KLRD1: variants seen among roughly 807,000 people sequenced by gnomAD.
The protein encoded by KLRD1 is natural killer cells antigen CD94.
KLRD1 carries 21 observed loss-of-function variants against 22.6 expected under a neutral mutation model. That is an observed-to-expected ratio of 0.93 (90% CI 0.66 to 1.34). The LOEUF (loss-of-function observed/expected upper bound fraction) is 1.34. KLRD1 is among the 40% of genes most tolerant of loss of function. The pLI is 0.00. For synonymous variants in KLRD1, 59 were observed against 71.1 expected (o/e 0.83, Z 0.85); for missense variants, 183 against 208.6 (o/e 0.88, Z 0.76).
At position 10,318,247 on chromosome 12, in the gene KLRD1, T is replaced by C. The variant is rs1211191749; in HGVS notation, c.*3454T>C. ...TGATATGGGTAGTAGGCTAACTAAC[T>C]AGCTAACAAATGGTTTATGGTGAGT... On this transcript the variant is annotated 3_prime_UTR_variant, in exon 6 of 6. Transcript: ENST00000336164. 6.6e-6 allele frequency: 1 copy of C among 152,208 alleles called. No individual in the cohort carries two copies. The highest frequency in any genetic ancestry group is 1.5e-5 in the Non-Finnish European group (1 of 68,038). 9.4% of individuals were successfully genotyped at this position (152,208 alleles called of 1,614,324 possible).
intron 1 of KLRD1, among the ~76,000 whole-genome samples, chr12:10,294,903 T>G (rs1949808675): frequency 6.6e-6 from 1 of 152,196 alleles, no homozygotes; most frequent in African/African-American, 2.4e-5. Flanking sequence ...TAAGATAAAT[T>G]ATCAAACCAG....
At chr12:10,245,413 T>C (rs1233386637) in intron 1 of KLRD1, among the ~76,000 whole-genome samples, 1 of 152,150 alleles carries the variant, frequency 6.6e-6, no homozygotes, top group Non-Finnish European at 1.5e-5. Flanking sequence ...CAATTCCGCC[T>C]AGCTAGCAAT....
chr12:10,285,134 T>C (rs543170843), intron 1 of KLRD1, among the ~76,000 whole-genome samples: 1 of 152,348 alleles, frequency 6.6e-6, no homozygotes, highest in East Asian at 1.9e-4. Context: ...CTACTGATGT[T>C]GCCAGTGTAC....
At position 10,328,295 on chromosome 12, in the gene KLRD1, T is replaced by A. The variant is rs1022781587; in HGVS notation, c.*13502T>A. On this transcript the variant is annotated 3_prime_UTR_variant, in exon 6 of 6. Coordinates refer to ENST00000336164, the MANE Select transcript of KLRD1 (RefSeq NM_002262.5). ...AAGAGCCATCTTGTCCTGGGAATTT[T>A]TTTGTTGTAAGTTTCTTGATTACTG... is the stretch of plus-strand genomic sequence containing the variant. 6.6e-6 allele frequency: 1 copy of A among 152,176 alleles called. No individual in the cohort carries two copies. Among genetic ancestry groups the A allele is most frequent in the Non-Finnish European group, 1.5e-5 (1 of 68,008 alleles). The allele number at this position is 152,176 out of a possible 1,614,324, so 9.4% of individuals were successfully genotyped here.
intron 1 of KLRD1, among the ~76,000 whole-genome samples, chr12:10,264,682 C>CTGTGTGTG (rs1288838996): frequency 0.54 from 80,688 of 149,636 alleles, 24,213 homozygotes; most frequent in Admixed American, 0.71. Context: ...TAGTTACCTT[C>CTGTGTGTG]TGTGTGTGTG....
Position 10,327,967 on chromosome 12 carries a change from T to G in KLRD1, c.*13174T>G, listed in dbSNP as rs1950375977. 6.6e-6 allele frequency: 1 copy of G among 152,206 alleles called. No individual in the cohort carries two copies. Among genetic ancestry groups the G allele is most frequent in the Admixed American group, 6.5e-5 (1 of 15,274 alleles). 9.4% of individuals were successfully genotyped at this position (152,206 alleles called of 1,614,324 possible). Reference sequence around the variant, plus strand: ...CTATTAATGTGGTATATTACATTAATTGATTTTGTATGTTAGGCTATCCTT... The same window carrying G: ...CTATTAATGTGGTATATTACATTAAGTGATTTTGTATGTTAGGCTATCCTT... On this transcript the variant is annotated 3_prime_UTR_variant, in exon 6 of 6. Coordinates refer to ENST00000336164, the MANE Select transcript of KLRD1 (RefSeq NM_002262.5).
At chr12:10,310,166 C>T (rs1326971097) in intron 3 of KLRD1, among the ~76,000 whole-genome samples, 2 of 152,222 alleles carry the variant, frequency 1.3e-5, no homozygotes, top group Non-Finnish European at 1.5e-5. Flanking sequence ...GGCTGGAGTG[C>T]AGTGGCACGA....
At chr12:10,246,687 A>G (rs1387930864) in intron 1 of KLRD1, among the ~76,000 whole-genome samples, 1 of 152,160 alleles carries the variant, frequency 6.6e-6, no homozygotes, top group African/African-American at 2.4e-5. Context: ...TGGAATATTG[A>G]AGAACATGTC....
chr12:10,269,353 G>T (rs1949528766), intron 1 of KLRD1, among the ~76,000 whole-genome samples: 1 of 151,952 alleles, frequency 6.6e-6, no homozygotes, highest in South Asian at 2.1e-4. Context: ...GTTTCACCAT[G>T]TTGGCCAGAC....
intron 1 of KLRD1, among the ~76,000 whole-genome samples, chr12:10,240,181 C>T (rs1274576576): frequency 6.6e-6 from 1 of 151,994 alleles, no homozygotes; most frequent in Non-Finnish European, 1.5e-5. Context: ...TTACCTCAGC[C>T]CCCCAAGTCG....
chr12:10,309,947 T>C (rs143969931), intron 3 of KLRD1, among the ~76,000 whole-genome samples: 1 of 152,234 alleles, frequency 6.6e-6, no homozygotes, highest in Non-Finnish European at 1.5e-5. Flanking sequence ...TGAGTGCTCA[T>C]AATTAAGTAA....
intron 1 of KLRD1, among the ~76,000 whole-genome samples, chr12:10,289,298 G>A (rs915635546): frequency 1.3e-5 from 2 of 152,154 alleles, no homozygotes; most frequent in African/African-American, 4.8e-5. Flanking sequence ...GCTCTTTCAT[G>A]AGGTTCTTAC....
At position 10,321,061 on chromosome 12, in the gene KLRD1, A is replaced by G. The variant is rs1478972648; in HGVS notation, c.*6268A>G. On this transcript the variant is annotated 3_prime_UTR_variant, in exon 6 of 6. Coordinates refer to ENST00000336164, the MANE Select transcript of KLRD1 (RefSeq NM_002262.5). ...TCAAAGGACAGAACTAAGAGCCTGT[A>G]AGGTGGATCCAAGAGTTATGAAGAG... 5 of 152,218 alleles carry G rather than the reference A, an allele frequency of 3.3e-5. No individual in the cohort carries two copies. Among genetic ancestry groups the G allele is most frequent in the Non-Finnish European group, 7.4e-5 (5 of 68,024 alleles). 9.4% of individuals were successfully genotyped at this position (152,218 alleles called of 1,614,324 possible).
intron 1 of KLRD1, among the ~76,000 whole-genome samples, chr12:10,298,977 TG>T (rs1421510209): frequency 6.6e-6 from 1 of 152,226 alleles, no homozygotes; most frequent in African/African-American, 2.4e-5. Flanking sequence ...ACGACTGAGC[TG>T]GTCTCAGCAG....
At chr12:10,272,482 A>G (rs1395367551) in intron 1 of KLRD1, among the ~76,000 whole-genome samples, 1 of 152,212 alleles carries the variant, frequency 6.6e-6, no homozygotes, top group Non-Finnish European at 1.5e-5. Context: ...TTTTAATATT[A>G]TTTTCTCATC....
intron 1 of KLRD1, among the ~76,000 whole-genome samples, chr12:10,275,366 TAA>T (rs1949583617): frequency 6.6e-6 from 1 of 152,210 alleles, no homozygotes; most frequent in Non-Finnish European, 1.5e-5. Flanking sequence ...CATTACAAAT[TAA>T]GTTTGTATTT....
chr12:10,254,290 C>T (rs7961370), intron 1 of KLRD1, among the ~76,000 whole-genome samples: 121,652 of 151,092 alleles, frequency 0.81, 53,332 homozygotes, highest in Non-Finnish European at 0.98. Context: ...TAGCAGGGCG[C>T]GGTGGAGGGC....
At chr12:10,239,449 C>A (rs370003509) in intron 1 of KLRD1, among the ~76,000 whole-genome samples, 1 of 56,634 alleles carries the variant, frequency 1.8e-5, no homozygotes. Flanking sequence ...TTCCTTCCTT[C>A]CTTCCTTCCT....
At chr12:10,246,996 G>C (rs138992111) in intron 1 of KLRD1, among the ~76,000 whole-genome samples, 3 of 142,430 alleles carry the variant, frequency 2.1e-5, no homozygotes, top group Admixed American at 1.5e-4. Flanking sequence ...GCCGTGGCAC[G>C]ATCTCGGCTC....
Sources: allele counts gnomAD v4.1 joint callset (sites outside exome capture counted in the v4.1 genomes callset), GRCh38; gene constraint gnomAD v4.1.1; transcripts MANE v1.5; gene names NCBI Gene and HGNC (gene_info 2026-07-23, HGNC 2026-07-21).